The following USP47 variants were observed in gnomAD, a reference collection of about 807,000 sequenced individuals.
USP47 encodes ubiquitin specific peptidase 47, also known as ubiquitin carboxyl-terminal hydrolase 47.
A neutral mutation model predicts 165.1 loss-of-function variants in USP47; 35 were observed. That is an observed-to-expected ratio of 0.21 (90% CI 0.16 to 0.28). The LOEUF (loss-of-function observed/expected upper bound fraction) is 0.28, where lower values mean the gene tolerates loss of function less well. Among genes scored for constraint, USP47 ranks in the 10% least tolerant of loss-of-function variants. The pLI is 1.00. For synonymous variants in USP47, 531 were observed against 544.5 expected (o/e 0.98, Z 0.35); for missense variants, 1,277 against 1,607.4 (o/e 0.79, Z 3.52).
intron 8 of USP47, among the ~76,000 whole-genome samples, chr11:11,913,667 A>G (rs1023906698): frequency 6.6e-6 from 1 of 152,100 alleles, no homozygotes; most frequent in Non-Finnish European, 1.5e-5. Context: ...GTACAAACAT[A>G]CAGTTAGATA....
intron 2 of USP47, among the ~76,000 whole-genome samples, chr11:11,881,564 G>A (rs1217797927): frequency 6.6e-6 from 1 of 151,936 alleles, no homozygotes; most frequent in Admixed American, 6.6e-5. Flanking sequence ...TTTTTCCATA[G>A]ATCTGATCCT....
rs1856576155 is a variant in USP47 at position 11,956,617 on chromosome 11, CA to C, written c.*443del. The C allele has an allele frequency of 6.5e-6, 1 of 153,108 alleles. No homozygotes were observed. The allele number at this position is 153,108 out of a possible 1,614,324, so 9.5% of individuals were successfully genotyped here. A position where few individuals can be genotyped will look rare whatever the true frequency, so the allele number is the denominator to read the frequency against. On this transcript the variant is annotated 3_prime_UTR_variant, in exon 28 of 28. Coordinates refer to ENST00000527733, the MANE Select transcript of USP47 (RefSeq NM_001282659.2). ...TATTTCACTGATGCACACATTACCTCATTGACAATTCAGAAGTAAATCCAAC... is the reference window on the plus strand; with the variant it reads ...TATTTCACTGATGCACACATTACCTCTTGACAATTCAGAAGTAAATCCAAC...
chr11:11,874,546 C>G (rs530729206), intron 1 of USP47, among the ~76,000 whole-genome samples: 11 of 151,116 alleles, frequency 7.3e-5, no homozygotes, highest in Non-Finnish European at 1.5e-4. Flanking sequence ...AATGAAGAGT[C>G]TAAATGAAGC....
chr11:11,880,641 G>T (rs545941146), intron 2 of USP47, among the ~76,000 whole-genome samples: 42 of 151,980 alleles, frequency 2.8e-4, no homozygotes, highest in African/African-American at 1.0e-3. Context: ...TCATAATATT[G>T]TCTCAACTAA....
In USP47 at chr11:11,958,602, T is replaced by A. The variant is rs1309552213; in HGVS notation, c.*2427T>A. On this transcript the variant is annotated 3_prime_UTR_variant, in exon 28 of 28. Transcript: ENST00000527733. ...CACATGCAACAAATTGTGACCCTGC[T>A]CCCCACAAGTCATGCAAAGGTTTTG... 6 of 152,144 alleles carry A rather than the reference T, an allele frequency of 3.9e-5. No individual in the cohort carries two copies. 9.4% of individuals were successfully genotyped at this position (152,144 alleles called of 1,614,324 possible).
intron 18 of USP47, among the ~76,000 whole-genome samples, chr11:11,939,449 G>C (rs778928573): frequency 6.6e-6 from 1 of 151,936 alleles, no homozygotes; most frequent in Non-Finnish European, 1.5e-5. Flanking sequence ...TTATGTAAGA[G>C]TTGGTGGTTA....
At chr11:11,919,967 A>AT (rs1412110658) in intron 8 of USP47, among the ~76,000 whole-genome samples, 189 bp from the exon 9 acceptor site, 3 of 151,446 alleles carry the variant, frequency 2.0e-5, no homozygotes, top group South Asian at 4.2e-4. Context: ...GAATGAAATA[A>AT]TTTTTTTTGC....
chr11:11,842,298 G>A, intron 1 of USP47, 74 bp downstream of exon 1: 1 of 1,502,528 alleles, frequency 6.7e-7, no homozygotes, highest in African/African-American at 1.4e-5. Flanking sequence ...GCCGGGGTTC[G>A]GCTGCGGGCC....
At chr11:11,862,709 G>A (rs1849453465) in intron 1 of USP47, among the ~76,000 whole-genome samples, 1 of 151,992 alleles carries the variant, frequency 6.6e-6, no homozygotes, top group African/African-American at 2.4e-5. Flanking sequence ...TAAACGTATG[G>A]GATACAAGCA....
At chr11:11,955,223 C>A (rs1856487379) in intron 27 of USP47, 59 bp downstream of exon 27, 22 of 1,560,834 alleles carry the variant, frequency 1.4e-5, no homozygotes, top group Non-Finnish European at 1.9e-5. Flanking sequence ...GCATACATAT[C>A]TTATTTTCCA....
intron 3 of USP47, among the ~76,000 whole-genome samples, chr11:11,887,106 T>A (rs1040098359): frequency 6.6e-6 from 1 of 152,156 alleles, no homozygotes; most frequent in African/African-American, 2.4e-5. Flanking sequence ...AAGGAAAAAC[T>A]GTTACCAGCC....
intron 5 of USP47, among the ~76,000 whole-genome samples, chr11:11,898,105 A>T (rs1851956718): frequency 1.3e-5 from 2 of 151,614 alleles, no homozygotes; most frequent in Non-Finnish European, 2.9e-5. Context: ...AAAATATAAT[A>T]CTTACAGCTT....
intron 19 of USP47, among the ~76,000 whole-genome samples, 168 bp from the exon 20 acceptor site, chr11:11,942,167 A>G (rs1456735328): frequency 6.6e-6 from 1 of 152,092 alleles, no homozygotes; most frequent in Non-Finnish European, 1.5e-5. Context: ...TTTGAGCCTA[A>G]TGTTCATTTT....
At chr11:11,867,904 A>G (rs994096723) in intron 1 of USP47, among the ~76,000 whole-genome samples, 12 of 151,826 alleles carry the variant, frequency 7.9e-5, no homozygotes, top group Non-Finnish European at 1.5e-4. Context: ...TTTTACCACC[A>G]GGTGGTGTGA....
At chr11:11,909,738 G>A (rs757157976) in intron 8 of USP47, among the ~76,000 whole-genome samples, 12 of 152,270 alleles carry the variant, frequency 7.9e-5, no homozygotes, top group Non-Finnish European at 1.6e-4. Flanking sequence ...GGGTTTAGCT[G>A]CATAATTTCA....
chr11:11,909,676 G>T (rs61870729), intron 8 of USP47, among the ~76,000 whole-genome samples: 8 of 152,136 alleles, frequency 5.3e-5, no homozygotes, highest in Non-Finnish European at 1.0e-4. Flanking sequence ...TGTTCATTAC[G>T]TACATTTAAA....
chr11:11,936,176 TG>T, intron 16 of USP47, 126 bp from the exon 17 acceptor site: 1 of 372,162 alleles, frequency 2.7e-6, no homozygotes, highest in Non-Finnish European at 4.2e-6. Context: ...CATAAATGTG[TG>T]GATTTTGTTA....
intron 8 of USP47, among the ~76,000 whole-genome samples, chr11:11,915,302 A>G (rs1396188852): frequency 1.3e-5 from 2 of 152,196 alleles, no homozygotes; most frequent in African/African-American, 4.8e-5. Flanking sequence ...GAACTGTGGG[A>G]CAGATTAACC....
At chr11:11,873,739 T>C in intron 1 of USP47, 27 of 1,015,938 alleles carry the variant, frequency 2.7e-5, no homozygotes, top group Non-Finnish European at 3.6e-5. Flanking sequence ...CTCATTTCAC[T>C]GTCTTTTCCC....
Sources: gnomAD v4.1 joint callset for allele counts (sites outside exome capture counted in the v4.1 genomes callset) on GRCh38, gnomAD v4.1.1 for gene constraint, MANE v1.5 for transcripts, NCBI Gene and HGNC (gene_info 2026-07-23, HGNC 2026-07-21) for gene names.